NME9: variants seen among roughly 807,000 people sequenced by gnomAD.
The protein encoded by NME9 is thioredoxin domain-containing protein 6.
Under a neutral mutation model 44.4 loss-of-function variants are expected in NME9, and 48 were observed. The ratio of observed to expected loss-of-function variants is 1.08; its 90% confidence interval spans 0.86 to 1.37. NME9 has a LOEUF of 1.37. Ranked by LOEUF, NME9 falls within the 40% of genes most tolerant of loss-of-function variation. The pLI, the probability that NME9 is intolerant of heterozygous loss-of-function variation, is 0.00. For missense variants in NME9, 325 were observed against 405.2 expected (o/e 0.80, Z 1.70); for synonymous variants, 139 against 147.1 (o/e 0.94, Z 0.40).
At chr3:138,278,121 A>G (rs1469813535) in intron 8 of NME9, among the ~76,000 whole-genome samples, 1 of 152,214 alleles carries the variant, frequency 6.6e-6, no homozygotes, top group Admixed American at 6.5e-5. Context: ...GGATTTGACT[A>G]TAAAGGGATA....
intron 8 of NME9, chr3:138,262,681 A>T (rs1560008512): frequency 2.4e-6 from 3 of 1,235,442 alleles, no homozygotes; most frequent in Non-Finnish European, 1.1e-6. Context: ...TGGACATAGG[A>T]TTAAAAAAAA....
downstream of NME9, among the ~76,000 whole-genome samples, chr3:138,298,665 C>T (rs911135488): frequency 6.6e-6 from 1 of 152,156 alleles, no homozygotes; most frequent in South Asian, 2.1e-4. Flanking sequence ...ATGTCCACCC[C>T]CTCCATCCTC....
At chr3:138,302,592 T>A (rs563500158) in intron 10 of NME9, among the ~76,000 whole-genome samples, 2 of 152,352 alleles carry the variant, frequency 1.3e-5, no homozygotes, top group South Asian at 4.1e-4. Flanking sequence ...CCCCAGCCTC[T>A]GTGGCACGCT....
intron 8 of NME9, among the ~76,000 whole-genome samples, chr3:138,295,551 T>G (rs1437620859): frequency 6.6e-6 from 1 of 152,172 alleles, no homozygotes; most frequent in Non-Finnish European, 1.5e-5. Flanking sequence ...TATATGCCAG[T>G]GACAAAAGAA....
intron 6 of NME9, among the ~76,000 whole-genome samples, chr3:138,313,139 C>T (rs935724117): frequency 3.3e-5 from 5 of 152,140 alleles, no homozygotes; most frequent in African/African-American, 9.7e-5. Flanking sequence ...GCCTGTAATC[C>T]CAGCACTTTG....
Position 138,318,186 on chromosome 3 carries a change from A to T in NME9, c.229T>A (p.Tyr77Asn). 1 of 1,613,082 alleles carries T rather than the reference A, an allele frequency of 6.2e-7. No homozygotes were observed. The highest frequency in any genetic ancestry group is 1.6e-4 in the Middle Eastern group (1 of 6,062). ...EADRLDVLEK[Y>N]RGKCEPTFLF... Reference sequence around the variant, plus strand: ...AAGGTTGGCTCGCACTTCCCTCTGTACTTTTCGAGGACATCAAGACGATCT... The same window carrying T: ...AAGGTTGGCTCGCACTTCCCTCTGTTCTTTTCGAGGACATCAAGACGATCT... Residue 77 changes from tyrosine to asparagine, a missense_variant, in exon 4 of 11, where the codon TAC becomes AAC. By Grantham distance (143) the Tyr-to-Asn change is moderately radical (BLOSUM62 -2). Coordinates refer to ENST00000333911, the MANE Select transcript of NME9 (RefSeq NM_001349018.2).
chr3:138,306,325 A>G (rs2108434423), intron 7 of NME9, 73 bp downstream of exon 7: 1 of 1,126,808 alleles, frequency 8.9e-7, no homozygotes, highest in Non-Finnish European at 1.4e-6. Flanking sequence ...ATCACTGCCC[A>G]GTGCCCCATC....
At chr3:138,322,182 C>T (rs969972836) in intron 2 of NME9, among the ~76,000 whole-genome samples, 7 of 152,054 alleles carry the variant, frequency 4.6e-5, no homozygotes, top group South Asian at 2.1e-4. Flanking sequence ...TACACAGGCC[C>T]GCTGAAAAGG....
chr3:138,303,079 C>G (rs1577114608), intron 10 of NME9, among the ~76,000 whole-genome samples: 2 of 152,324 alleles, frequency 1.3e-5, no homozygotes, highest in South Asian at 4.1e-4. Flanking sequence ...CAGCAGGCTC[C>G]AGGTTGAGGG....
intron 8 of NME9, among the ~76,000 whole-genome samples, chr3:138,268,634 A>G (rs2048499955): frequency 6.6e-6 from 1 of 152,122 alleles, no homozygotes; most frequent in African/African-American, 2.4e-5. Context: ...ACAATCAACC[A>G]GGCATGGCAC....
chr3:138,266,984 T>G (rs1384281327), intron 8 of NME9, among the ~76,000 whole-genome samples: 1 of 152,244 alleles, frequency 6.6e-6, no homozygotes, highest in Non-Finnish European at 1.5e-5. Context: ...GTCATAATTA[T>G]AGCACTAGGA....
At chr3:138,282,892 A>G (rs1318761749) in intron 8 of NME9, among the ~76,000 whole-genome samples, 2 of 152,162 alleles carry the variant, frequency 1.3e-5, no homozygotes, top group African/African-American at 2.4e-5. Flanking sequence ...GCAGATTATT[A>G]TTGATTTCCT....
At chr3:138,262,928 G>C (rs1339494196) in intron 8 of NME9, among the ~76,000 whole-genome samples, 1 of 152,204 alleles carries the variant, frequency 6.6e-6, no homozygotes, top group Non-Finnish European at 1.5e-5. Flanking sequence ...GGAAAGCTCT[G>C]TATTATCCAG....
At chr3:138,322,630 A>C (rs943507097) in intron 2 of NME9, among the ~76,000 whole-genome samples, 57 of 152,102 alleles carry the variant, frequency 3.7e-4, no homozygotes, top group African/African-American at 1.4e-3. Flanking sequence ...CTTTGGAAGA[A>C]AATTTCTGCC....
chr3:138,326,267 A>G (rs1244216326), intron 1 of NME9, among the ~76,000 whole-genome samples: 2 of 152,138 alleles, frequency 1.3e-5, no homozygotes, highest in African/African-American at 2.4e-5. Flanking sequence ...ATGAGACACA[A>G]TTTCCATCTG....
chr3:138,274,984 C>T (rs2049137674), intron 8 of NME9, among the ~76,000 whole-genome samples: 1 of 152,188 alleles, frequency 6.6e-6, no homozygotes, highest in African/African-American at 2.4e-5. Context: ...TTCTCTTAGG[C>T]ATCTTATTCC....
At chr3:138,270,842 A>T (rs2048723187) in intron 8 of NME9, among the ~76,000 whole-genome samples, 2 of 152,216 alleles carry the variant, frequency 1.3e-5, no homozygotes, top group South Asian at 4.1e-4. Flanking sequence ...AATTTTCTTG[A>T]AATTGTAAAT....
At chr3:138,310,862 AAAG>A (rs2052652595) in intron 6 of NME9, among the ~76,000 whole-genome samples, 1 of 152,054 alleles carries the variant, frequency 6.6e-6, no homozygotes, top group Admixed American at 6.5e-5. Flanking sequence ...ATGCGCTAAA[AAAG>A]CAATAACCAA....
intron 1 of NME9, among the ~76,000 whole-genome samples, chr3:138,325,160 T>G (rs974479063): frequency 6.6e-6 from 1 of 152,238 alleles, no homozygotes; most frequent in Admixed American, 6.5e-5. Flanking sequence ...TAAAAAATAC[T>G]TTTACATGTT....
Sources: gnomAD v4.1 joint callset for allele counts (sites outside exome capture counted in the v4.1 genomes callset) on GRCh38, gnomAD v4.1.1 for gene constraint, MANE v1.5 for transcripts, NCBI Gene and HGNC (gene_info 2026-07-23, HGNC 2026-07-21) for gene names.